Variants in EEFSEC observed in about 807,000 individuals in gnomAD.
The protein encoded by EEFSEC is selenocysteine-specific elongation factor.
In EEFSEC, 43 loss-of-function variants were observed where a neutral mutation model predicts 42.1. The ratio of observed to expected loss-of-function variants is 1.02; its 90% CI spans 0.80 to 1.32. The LOEUF is 1.32. EEFSEC is among the 40% of genes most tolerant of loss of function. The pLI is 0.00. For missense variants in EEFSEC, 745 were observed against 803.6 expected, an observed-to-expected ratio of 0.93 and a Z score of 0.88; for synonymous variants, 354 against 339.1, an observed-to-expected ratio of 1.04 and a Z score of -0.48.
chr3:128,386,857 T>C (rs1361706398), intron 6 of EEFSEC, among the ~76,000 whole-genome samples: 1 of 152,154 alleles, frequency 6.6e-6, no homozygotes, highest in African/African-American at 2.4e-5. Flanking sequence ...AAGCCACTCA[T>C]GAGGGATCCG....
chr3:128,328,938 G>C (rs1371993899), intron 4 of EEFSEC, among the ~76,000 whole-genome samples: 1 of 152,182 alleles, frequency 6.6e-6, no homozygotes, highest in Non-Finnish European at 1.5e-5. Flanking sequence ...TGGGATTTGG[G>C]TTTGGAATAG....
At chr3:128,410,618 G>A (rs1197010659), downstream of EEFSEC, among the ~76,000 whole-genome samples, 2 of 152,172 alleles carry the variant, frequency 1.3e-5, no homozygotes, top group Non-Finnish European at 2.9e-5. Context: ...ATGCCTCAGT[G>A]TCCCCATGTA....
chr3:128,238,699 AAGC>A (rs1480077313), intron 1 of EEFSEC, among the ~76,000 whole-genome samples: 1 of 152,166 alleles, frequency 6.6e-6, no homozygotes, highest in African/African-American at 2.4e-5. Flanking sequence ...ATGTTAGCCC[AAGC>A]TGTTCTCAAA....
intron 1 of EEFSEC, among the ~76,000 whole-genome samples, chr3:128,232,768 A>G (rs1464384800): frequency 6.6e-6 from 1 of 152,216 alleles, no homozygotes; most frequent in African/African-American, 2.4e-5. Context: ...TAGATAGACT[A>G]TGACACGGTA....
intron 4 of EEFSEC, among the ~76,000 whole-genome samples, chr3:128,270,713 C>A (rs1320447391): frequency 6.6e-6 from 1 of 152,232 alleles, no homozygotes; most frequent in African/African-American, 2.4e-5. Context: ...TGCCCTTCCC[C>A]CACCTCCAGC....
At chr3:128,231,241 A>G (rs1314645204) in intron 1 of EEFSEC, among the ~76,000 whole-genome samples, 1 of 152,228 alleles carries the variant, frequency 6.6e-6, no homozygotes, top group African/African-American at 2.4e-5. Flanking sequence ...GATAATTGGT[A>G]GCCATTGTTA....
chr3:128,369,487 C>T (rs538743388), intron 6 of EEFSEC, among the ~76,000 whole-genome samples: 2 of 152,198 alleles, frequency 1.3e-5, no homozygotes, highest in African/African-American at 4.8e-5. Context: ...AGCCAGCTGC[C>T]TGGAAAGTAG....
chr3:128,232,517 C>A (rs1576565916), intron 1 of EEFSEC, among the ~76,000 whole-genome samples: 1 of 152,100 alleles, frequency 6.6e-6, no homozygotes, highest in East Asian at 1.9e-4. Flanking sequence ...ACATTTTCCA[C>A]AATCCTATTT....
chr3:128,408,470 ACTCC>A lies in EEFSEC; in HGVS notation c.*213_*216del. ...AGGGTCTCTCCTCCAGCCCCTGCAC[ACTCC>A]CACCCAGGACAGCCCCCAGCCCAAC... is the stretch of plus-strand genomic sequence containing the variant. On this transcript the variant is annotated 3_prime_UTR_variant, in exon 7 of 7. Transcript: ENST00000254730. 2 of 466,398 alleles carry A rather than the reference ACTCC, an allele frequency of 4.3e-6. No homozygotes were observed. The highest frequency in any genetic ancestry group is 7.4e-6 in the Non-Finnish European group (2 of 270,872). 28.9% of individuals were successfully genotyped at this position (466,398 alleles called of 1,614,324 possible).
At chr3:128,414,869 T>G in the EEFSEC span, among the ~76,000 whole-genome samples, 1 of 152,064 alleles carries the variant, frequency 6.6e-6, no homozygotes, top group Non-Finnish European at 1.5e-5. Context: ...AGTGGGGCCA[T>G]GGCTGGAGTC....
At chr3:128,171,427 A>G (rs1223776591) in intron 1 of EEFSEC, among the ~76,000 whole-genome samples, 1 of 152,218 alleles carries the variant, frequency 6.6e-6, no homozygotes, top group East Asian at 1.9e-4. Context: ...TTGCAAAAGC[A>G]AAACAACTGC....
intron 6 of EEFSEC, among the ~76,000 whole-genome samples, chr3:128,406,064 TG>T (rs1576711223): frequency 6.6e-6 from 1 of 152,004 alleles, no homozygotes; most frequent in East Asian, 1.9e-4. Flanking sequence ...GACCCCCCAG[TG>T]GGGCTGTGAG....
intron 4 of EEFSEC, among the ~76,000 whole-genome samples, chr3:128,339,455 C>T (rs1235839791): frequency 1.3e-5 from 2 of 152,206 alleles, no homozygotes; most frequent in Non-Finnish European, 2.9e-5. Context: ...TATTTCTCTG[C>T]TTCAAATCCA....
intron 4 of EEFSEC, among the ~76,000 whole-genome samples, chr3:128,334,361 C>G (rs2067167069): frequency 6.6e-6 from 1 of 152,216 alleles, no homozygotes; most frequent in Admixed American, 6.5e-5. Flanking sequence ...TTCAATCACT[C>G]AGGAGCCACA....
intron 1 of EEFSEC, among the ~76,000 whole-genome samples, chr3:128,246,108 A>G (rs188696032): frequency 2.0e-5 from 3 of 152,326 alleles, no homozygotes; most frequent in Admixed American, 2.0e-4. Flanking sequence ...ACTGGCTAAC[A>G]TTATGTTCCT....
chr3:128,374,645 T>G (rs904044694), intron 6 of EEFSEC, among the ~76,000 whole-genome samples: 1 of 152,124 alleles, frequency 6.6e-6, no homozygotes, highest in African/African-American at 2.4e-5. Context: ...TTTTCCTCCA[T>G]GTTTATGATT....
chr3:128,422,375 T>C, the EEFSEC span, among the ~76,000 whole-genome samples: 1 of 151,842 alleles, frequency 6.6e-6, no homozygotes, highest in East Asian at 1.9e-4. Flanking sequence ...CTCCCCGGGG[T>C]CAGAGGGATG....
intron 1 of EEFSEC, among the ~76,000 whole-genome samples, chr3:128,203,295 C>A (rs1243971771): frequency 6.6e-6 from 1 of 152,158 alleles, no homozygotes; most frequent in Non-Finnish European, 1.5e-5. Context: ...ATGGCAAAGT[C>A]CAAGCCATTC....
intron 4 of EEFSEC, among the ~76,000 whole-genome samples, chr3:128,327,604 G>A (rs1404884049): frequency 6.6e-6 from 1 of 152,214 alleles, no homozygotes; most frequent in East Asian, 1.9e-4. Flanking sequence ...GGGCCATGAA[G>A]AATGAGTGCT....
Sources: gnomAD v4.1 joint callset for allele counts (sites outside exome capture counted in the v4.1 genomes callset) on GRCh38, gnomAD v4.1.1 for gene constraint, MANE v1.5 for transcripts, NCBI Gene and HGNC (gene_info 2026-07-23, HGNC 2026-07-21) for gene names.